C9orf85: variants seen among roughly 807,000 people sequenced by gnomAD.
C9orf85 encodes chromosome 9 open reading frame 85.
A neutral mutation model predicts 14.9 loss-of-function variants in C9orf85; 16 were observed. The observed-to-expected ratio is 1.08, with a 90% confidence interval of 0.73 to 1.63. The LOEUF (loss-of-function observed/expected upper bound fraction) is 1.63, where lower values mean the gene tolerates loss of function less well. Ranked by LOEUF, C9orf85 falls within the 40% of genes most tolerant of loss-of-function variation. The probability of loss-of-function intolerance (pLI) is 0.00; values close to 1 mark genes in which losing one functional copy is unlikely to be tolerated. For synonymous variants in C9orf85, 45 were observed against 56.8 expected, an observed-to-expected ratio of 0.79 and a Z score of 0.93; for missense variants, 172 against 186.1, an observed-to-expected ratio of 0.92 and a Z score of 0.44.
intron 2 of C9orf85, among the ~76,000 whole-genome samples, chr9:71,957,249 G>T (rs1043790266): frequency 1.3e-5 from 2 of 152,062 alleles, no homozygotes; most frequent in Non-Finnish European, 2.9e-5. Context: ...TTAATTTAGG[G>T]TATCAGACTA....
At chr9:71,960,913 GTTTT>G (rs111315320) in intron 2 of C9orf85, among the ~76,000 whole-genome samples, 1 of 124,604 alleles carries the variant, frequency 8.0e-6, no homozygotes, top group South Asian at 2.7e-4. Context: ...GTTCCAAATT[GTTTT>G]TTTTTTTTTT....
chr9:71,952,366 T>C (rs77667847), intron 2 of C9orf85, among the ~76,000 whole-genome samples: 2 of 113,602 alleles, frequency 1.8e-5, no homozygotes, highest in South Asian at 2.9e-4. Context: ...TTTATTTATT[T>C]ATTCATTCTA....
At chr9:71,961,791 C>CAT (rs1822531213) in intron 2 of C9orf85, among the ~76,000 whole-genome samples, 1 of 152,120 alleles carries the variant, frequency 6.6e-6, no homozygotes, top group South Asian at 2.1e-4. Context: ...GACTCCAGTT[C>CAT]ATGCTTTGAT....
chr9:71,951,070 C>T (rs762666480), intron 2 of C9orf85, among the ~76,000 whole-genome samples: 6 of 152,260 alleles, frequency 3.9e-5, no homozygotes, highest in East Asian at 1.9e-4. Context: ...AATTTTACTG[C>T]GTTCGTAGCT....
In C9orf85 at chr9:71,917,165, T is replaced by G. The variant is rs537359940; in HGVS notation, c.102+5329T>G. On this transcript the variant is annotated intron_variant, in intron 1 of 3. Coordinates refer to ENST00000334731, the MANE Select transcript of C9orf85 (RefSeq NM_182505.5). Reference sequence around the variant, plus strand: ...TTAAAAAATATATGTACTGTATTTTTGGGTGTAATGGAAGCAGTGTGACAC... The same window carrying G: ...TTAAAAAATATATGTACTGTATTTTGGGGTGTAATGGAAGCAGTGTGACAC... Among the ~76,000 whole-genome samples the G allele has an allele frequency of 3.2e-4, 48 of 152,338 alleles. 1 individual carries two copies. The highest frequency in any genetic ancestry group is 9.6e-4 in the African/African-American group (40 of 41,574).
intron 1 of C9orf85, among the ~76,000 whole-genome samples, chr9:71,921,770 G>A (rs1377728079): frequency 6.6e-6 from 1 of 151,844 alleles, no homozygotes; most frequent in Non-Finnish European, 1.5e-5. Flanking sequence ...TTTTTTACTG[G>A]TCTGATGTGT....
chr9:71,941,720 T>C (rs1183739445), intron 1 of C9orf85: 1 of 152,208 alleles, frequency 6.6e-6, no homozygotes, highest in Non-Finnish European at 1.5e-5. Flanking sequence ...AAAACAGCTC[T>C]GAAAGCTGTC....
At chr9:71,974,398 C>G (rs1417100491), downstream of C9orf85, among the ~76,000 whole-genome samples, 6 of 151,810 alleles carry the variant, frequency 4.0e-5, no homozygotes, top group Admixed American at 3.9e-4. Context: ...CCTGCACCAC[C>G]ACACCTGGGT....
chr9:71,940,321 C>T (rs773304120), intron 1 of C9orf85, among the ~76,000 whole-genome samples: 2 of 152,052 alleles, frequency 1.3e-5, no homozygotes, highest in Admixed American at 6.6e-5. Context: ...GCAATCCCAA[C>T]TACATGGGAG....
intron 1 of C9orf85, among the ~76,000 whole-genome samples, chr9:71,941,573 T>C (rs560557948): frequency 1.3e-5 from 2 of 152,302 alleles, no homozygotes; most frequent in Admixed American, 6.5e-5. Flanking sequence ...ATCCAGAATG[T>C]AGGATATTCT....
exon 4 of C9orf85, chr9:71,982,849 C>T (rs748890414): frequency 5.3e-5 from 15 of 281,474 alleles, no homozygotes; most frequent in Admixed American, 2.6e-4. Context: ...TTGGCCAGGC[C>T]GGTCTCGAAC....
At chr9:71,922,318 A>C (rs1352289482) in intron 1 of C9orf85, among the ~76,000 whole-genome samples, 1 of 152,074 alleles carries the variant, frequency 6.6e-6, no homozygotes, top group Non-Finnish European at 1.5e-5. Context: ...CCCTAACCCG[A>C]TGCAATTTTC....
chr9:71,917,114 A>G (rs1042960451), intron 1 of C9orf85, among the ~76,000 whole-genome samples: 5 of 152,230 alleles, frequency 3.3e-5, no homozygotes, highest in Non-Finnish European at 5.9e-5. Context: ...AAGTAAATCA[A>G]AAGCCCTCCA....
chr9:71,958,554 G>A (rs907974284), intron 2 of C9orf85, among the ~76,000 whole-genome samples: 7 of 151,970 alleles, frequency 4.6e-5, no homozygotes, highest in South Asian at 4.1e-4. Context: ...GAGCTACCGC[G>A]CCCGGCCAGT....
intron 2 of C9orf85, among the ~76,000 whole-genome samples, chr9:71,967,077 T>C (rs549133142): frequency 6.6e-6 from 1 of 152,308 alleles, no homozygotes; most frequent in South Asian, 2.1e-4. Flanking sequence ...AGAGGAGACA[T>C]TTTTTATTCT....
At chr9:71,919,858 T>C (rs1827748872) in intron 1 of C9orf85, among the ~76,000 whole-genome samples, 1 of 151,616 alleles carries the variant, frequency 6.6e-6, no homozygotes, top group Non-Finnish European at 1.5e-5. Context: ...TTTCTTTTTT[T>C]CTTTTTTTTT....
intron 1 of C9orf85, among the ~76,000 whole-genome samples, chr9:71,923,795 T>C (rs1045571216): frequency 6.6e-6 from 1 of 152,170 alleles, no homozygotes; most frequent in African/African-American, 2.4e-5. Context: ...TCCCTGAGGC[T>C]AGCCGCTCCA....
At chr9:71,966,631 A>G (rs1822699709) in intron 2 of C9orf85, among the ~76,000 whole-genome samples, 1 of 152,224 alleles carries the variant, frequency 6.6e-6, no homozygotes, top group African/African-American at 2.4e-5. Context: ...CTATAAAAAA[A>G]ACGCAAAGGC....
At chr9:71,944,732 T>C (rs922034745) in intron 1 of C9orf85, among the ~76,000 whole-genome samples, 1 of 152,180 alleles carries the variant, frequency 6.6e-6, no homozygotes, top group Non-Finnish European at 1.5e-5. Context: ...GTAAAACAGG[T>C]ATATACTTTT....
Sources: gnomAD v4.1 joint callset for allele counts (sites outside exome capture counted in the v4.1 genomes callset) on GRCh38, gnomAD v4.1.1 for gene constraint, MANE v1.5 for transcripts, NCBI Gene and HGNC (gene_info 2026-07-23, HGNC 2026-07-21) for gene names.